The following TERF2 variants were observed in gnomAD, a reference collection of about 807,000 sequenced individuals.
TERF2 encodes telomeric repeat binding factor 2, also known as telomeric repeat-binding factor 2.
TERF2 carries 16 observed loss-of-function variants against 56.1 expected under a neutral mutation model. The ratio of observed to expected loss-of-function variants is 0.29; its 90% CI spans 0.19 to 0.43. The LOEUF (loss-of-function observed/expected upper bound fraction) is 0.43. Ranked by LOEUF, TERF2 falls within the 20% of genes least tolerant of loss-of-function variation. The probability of loss-of-function intolerance (pLI) is 1.00; values close to 1 mark genes in which losing one functional copy is unlikely to be tolerated. For missense variants in TERF2, 547 were observed against 712.9 expected (o/e 0.77, Z 2.65); for synonymous variants, 296 against 282.1 (o/e 1.05, Z -0.50).
At chr16:69,384,479 T>C (rs372609956) in intron 3 of TERF2, 101 bp downstream of exon 3, 7 of 1,253,028 alleles carry the variant, frequency 5.6e-6, no homozygotes, top group South Asian at 3.4e-5. Context: ...TCTCTCCCCA[T>C]TGCTGTTTTC....
At chr16:69,382,748 G>A (rs2014049978) in intron 3 of TERF2, among the ~76,000 whole-genome samples, 1 of 152,170 alleles carries the variant, frequency 6.6e-6, no homozygotes, top group South Asian at 2.1e-4. Flanking sequence ...ATGTGAGTAG[G>A]GAAGCAGTTG....
intron 7 of TERF2, chr16:69,364,966 C>T (rs1291077922): frequency 2.6e-5 from 4 of 152,254 alleles, no homozygotes; most frequent in African/African-American, 9.6e-5. Context: ...ATGGGTGTGA[C>T]TGTGTTCCAA....
intron 3 of TERF2, among the ~76,000 whole-genome samples, chr16:69,378,871 C>T (rs2013889555): frequency 2.0e-5 from 3 of 151,110 alleles, no homozygotes; most frequent in African/African-American, 4.9e-5. Flanking sequence ...AATATGAATG[C>T]TTTCAAATTG....
Position 69,368,459 on chromosome 16 carries a change from A to G in TERF2, c.864T>C (p.Ser288=), listed in dbSNP as rs772426813. 7 of 1,614,178 alleles carry G rather than the reference A, an allele frequency of 4.3e-6. No homozygotes were observed. Among genetic ancestry groups the G allele is most frequent in the Non-Finnish European group, 5.9e-6 (7 of 1,180,036 alleles). ...TCCCTGTACTTGAGGCAGCGGACTC[A>G]GATTTCAAAGCCTTTTTGGCCATCT... ...LLTMAKKALK[S]ESAASSTGKE... is the part of the protein sequence containing the mutation. The change falls in exon 6 of 10, where the codon TCT becomes TCC. Residue 288 remains serine (S), a synonymous_variant. Coordinates refer to ENST00000254942, the MANE Select transcript of TERF2 (RefSeq NM_005652.5).
intron 3 of TERF2, among the ~76,000 whole-genome samples, chr16:69,376,715 C>G (rs2013797809): frequency 6.7e-6 from 1 of 149,952 alleles, no homozygotes. Flanking sequence ...AAAAAATTAG[C>G]CAGGCAAGGT....
chr16:69,381,930 T>G (rs1031060453), intron 3 of TERF2, among the ~76,000 whole-genome samples: 2 of 152,210 alleles, frequency 1.3e-5, no homozygotes, highest in African/African-American at 4.8e-5. Context: ...TAAACAACTG[T>G]GACTAACATT....
At chr16:69,364,691 G>A (rs1431597504) in intron 7 of TERF2, among the ~76,000 whole-genome samples, 3 of 152,030 alleles carry the variant, frequency 2.0e-5, no homozygotes, top group Non-Finnish European at 2.9e-5. Context: ...CAACACACTC[G>A]ACGACCTTCT....
chr16:69,372,654 C>T lies in TERF2; in HGVS notation c.607-299G>A, dbSNP rs572188892. ...GTGCATGCCTGTAATCCCAGCTACTCGGGAGGCTGAGGCAGGAGAATTGCT... is the reference window on the plus strand; with the variant it reads ...GTGCATGCCTGTAATCCCAGCTACTTGGGAGGCTGAGGCAGGAGAATTGCT... On this transcript the variant is annotated intron_variant, in intron 3 of 9. Transcript: ENST00000254942. Among the ~76,000 whole-genome samples the T allele has an allele frequency of 6.6e-5, 10 of 152,058 alleles. No homozygotes were observed. In the South Asian group the frequency reaches 8.3e-4, roughly 13 times the overall value.
At chr16:69,362,475 AAC>A (rs1324722163) in intron 7 of TERF2, among the ~76,000 whole-genome samples, 1 of 152,184 alleles carries the variant, frequency 6.6e-6, no homozygotes, top group Non-Finnish European at 1.5e-5. Context: ...CCAGCACAGT[AAC>A]ACAGACCCCA....
At chr16:69,376,336 T>C (rs1324035868) in intron 3 of TERF2, among the ~76,000 whole-genome samples, 1 of 152,212 alleles carries the variant, frequency 6.6e-6, no homozygotes, top group African/African-American at 2.4e-5. Context: ...CTTCACATCT[T>C]TGTCAAAAAT....
chr16:69,364,010 A>G (rs2013245187), intron 7 of TERF2, among the ~76,000 whole-genome samples: 1 of 152,102 alleles, frequency 6.6e-6, no homozygotes. Context: ...AAAAACAAGA[A>G]AAGAATATGG....
intron 3 of TERF2, among the ~76,000 whole-genome samples, chr16:69,382,827 T>C (rs1206024254): frequency 6.6e-6 from 1 of 152,216 alleles, no homozygotes; most frequent in East Asian, 1.9e-4. Context: ...TGAGCCAGAA[T>C]CACTAATAGA....
chr16:69,355,835 A>C lies in TERF2; in HGVS notation c.*1063T>G, dbSNP rs184852492. On this transcript the variant is annotated 3_prime_UTR_variant, in exon 10 of 10. Transcript: ENST00000254942. ...AGAATGAAATTAGGCATTTATATTC[A>C]ATCGGATTTTTTTTAAGCTTTAAAA... 0.018 allele frequency: 2,842 copies of C among 162,358 alleles called. 82 individuals carry two copies. Among genetic ancestry groups the C allele is most frequent in the African/African-American group, 0.064 (2,654 of 41,238 alleles). The allele number at this position is 162,358 out of a possible 1,614,324, so 10.1% of individuals were successfully genotyped here. A position where few individuals can be genotyped will look rare whatever the true frequency, so the allele number is the denominator to read the frequency against.
chr16:69,380,753 T>C (rs1011988449), intron 3 of TERF2, among the ~76,000 whole-genome samples: 4 of 151,706 alleles, frequency 2.6e-5, no homozygotes, highest in African/African-American at 7.3e-5. Context: ...ATCTGGAAAA[T>C]ACTGGTTCAC....
chr16:69,375,704 G>A (rs923811580), intron 3 of TERF2, among the ~76,000 whole-genome samples: 2 of 152,074 alleles, frequency 1.3e-5, no homozygotes, highest in African/African-American at 4.8e-5. Flanking sequence ...TCCTACTTCA[G>A]GTGCCCAAGT....
At chr16:69,359,583 T>C (rs974383332) in intron 8 of TERF2, among the ~76,000 whole-genome samples, 7 of 151,226 alleles carry the variant, frequency 4.6e-5, no homozygotes, top group African/African-American at 1.7e-4. Context: ...AAATTTTCTT[T>C]TTTTCTCCTT....
chr16:69,356,797 CT>C lies in TERF2; in HGVS notation c.*100del, dbSNP rs1282812845. ...CCTGGGTGACAGAGCGAGACTCTGT[CT>C]CAAAAAAAAAAAAAAAAGAAAAAGA... On this transcript the variant is annotated 3_prime_UTR_variant, in exon 10 of 10. Transcript: ENST00000254942. 1.6e-6 allele frequency: 2 copies of C among 1,225,568 alleles called. No individual in the cohort carries two copies. Among genetic ancestry groups the C allele is most frequent in the African/African-American group, 3.3e-5 (2 of 61,426 alleles). 75.9% of individuals were successfully genotyped at this position (1,225,568 alleles called of 1,614,324 possible).
At position 69,367,060 on chromosome 16, in the gene TERF2, G is replaced by A. The variant is rs767634152; in HGVS notation, c.1087C>T (p.Pro363Ser). 1 of 1,614,190 alleles carries A rather than the reference G, an allele frequency of 6.2e-7. No homozygotes were observed. The highest frequency in any genetic ancestry group is 8.5e-7 in the Non-Finnish European group (1 of 1,180,034). ...KDLVLPTQAL[P>S]ASPALKNKRP... ...TTGTTTTTGAGGGCTGGTGATGCTG[G>A]GAGAGCTTGAGTAGGAAGAACCAGA... The change falls in exon 7 of 10, where the codon CCA (proline) becomes TCA (serine). Residue 363 changes from proline (P) to serine (S), a missense_variant. Pro to Ser is a moderately conservative substitution (Grantham distance 74). This residue lies in a region of TERF2 where 211 missense variants were observed against 236.8 expected (regional missense o/e 0.89). Transcript: ENST00000254942.
intron 3 of TERF2, 121 bp downstream of exon 3, chr16:69,384,459 G>T: frequency 9.5e-7 from 1 of 1,048,792 alleles, no homozygotes; most frequent in Non-Finnish European, 1.3e-6. Context: ...GTGCTTTCTT[G>T]CTTGCTCAAT....
Sources: allele counts gnomAD v4.1 joint callset (sites outside exome capture counted in the v4.1 genomes callset), GRCh38; gene constraint gnomAD v4.1.1; regional missense constraint gnomAD v4.1.1; transcripts MANE v1.5; gene names NCBI Gene and HGNC (gene_info 2026-07-23, HGNC 2026-07-21).